The following ADGRB3 variants were observed in gnomAD, a reference collection of about 807,000 sequenced individuals.
ADGRB3 encodes adhesion G protein-coupled receptor B3.
In ADGRB3, 37 loss-of-function variants were observed where a neutral mutation model predicts 193.4. The ratio of observed to expected loss-of-function variants is 0.19; its 90% CI spans 0.15 to 0.25. ADGRB3 has a LOEUF of 0.25. ADGRB3 is among the 10% of genes least tolerant of loss of function. ADGRB3 has a pLI of 1.00. For missense variants in ADGRB3, 1,637 were observed against 1,852.9 expected (o/e 0.88, Z 2.14); for synonymous variants, 690 against 644.2 (o/e 1.07, Z -1.08).
intron 13 of ADGRB3, among the ~76,000 whole-genome samples, chr6:69,040,645 A>C (rs1386744100): frequency 3.1e-5 from 4 of 127,846 alleles, no homozygotes; most frequent in Non-Finnish European, 6.4e-5. Flanking sequence ...CACTACCCAG[A>C]GATGCCCAGG....
intron 3 of ADGRB3, among the ~76,000 whole-genome samples, chr6:68,877,789 C>T (rs937408978): frequency 6.6e-6 from 1 of 152,084 alleles, no homozygotes; most frequent in African/African-American, 2.4e-5. Context: ...AATAGTCCAT[C>T]TTAGTTGCTA....
At chr6:68,708,591 T>A (rs574182732) in intron 3 of ADGRB3, among the ~76,000 whole-genome samples, 18 of 152,324 alleles carry the variant, frequency 1.2e-4, no homozygotes, top group Non-Finnish European at 1.8e-4. Context: ...TTAGATTTTT[T>A]AAAAACAAAA....
In ADGRB3 at chr6:68,765,109, G is replaced by A. The variant is rs142748612; in HGVS notation, c.757+125677G>A. Among the ~76,000 whole-genome samples the A allele has an allele frequency of 1.2e-3, 179 of 152,214 alleles. 1 individual carries two copies. Among genetic ancestry groups the A allele is most frequent in the Non-Finnish European group, 2.0e-3 (134 of 67,990 alleles). Reference sequence around the variant, plus strand: ...GTTCATGTGAAGACCATAAATGTCTGTTTCCTGAATAATGTTTTAATTTTG... The same window carrying A: ...GTTCATGTGAAGACCATAAATGTCTATTTCCTGAATAATGTTTTAATTTTG... On this transcript the variant is annotated intron_variant, in intron 3 of 31. Coordinates refer to ENST00000370598, the MANE Select transcript of ADGRB3 (RefSeq NM_001704.3).
intron 3 of ADGRB3, among the ~76,000 whole-genome samples, chr6:68,803,863 T>C (rs1023213480): frequency 6.6e-6 from 1 of 152,222 alleles, no homozygotes; most frequent in African/African-American, 2.4e-5. Context: ...CCAAATCGAT[T>C]ATTTTTCTTT....
At chr6:69,122,701 G>T (rs889528507) in intron 17 of ADGRB3, among the ~76,000 whole-genome samples, 7 of 152,012 alleles carry the variant, frequency 4.6e-5, no homozygotes, top group Admixed American at 1.3e-4. Flanking sequence ...TTGCAAGAAA[G>T]GATATTCAAG....
chr6:69,171,602 C>T (rs1270298416), intron 17 of ADGRB3, among the ~76,000 whole-genome samples: 1 of 152,090 alleles, frequency 6.6e-6, no homozygotes, highest in Non-Finnish European at 1.5e-5. Context: ...TTGGAGGAGA[C>T]ATTTTCTGGG....
At chr6:68,943,490 C>T (rs1005959463) in intron 5 of ADGRB3, among the ~76,000 whole-genome samples, 1 of 152,016 alleles carries the variant, frequency 6.6e-6, no homozygotes, top group Admixed American at 6.6e-5. Flanking sequence ...ATTTAGTTTT[C>T]TATATTACTA....
At chr6:68,777,668 T>TAA (rs561834409) in intron 3 of ADGRB3, among the ~76,000 whole-genome samples, 1,881 of 77,956 alleles carry the variant, frequency 0.024, 58 homozygotes, top group Middle Eastern at 0.059. Context: ...CTCTGGGATC[T>TAA]AAAAAAAAAA....
At chr6:69,245,554 G>A (rs1204440138) in intron 20 of ADGRB3, among the ~76,000 whole-genome samples, 4 of 151,978 alleles carry the variant, frequency 2.6e-5, no homozygotes, top group Non-Finnish European at 5.9e-5. Context: ...ACTGACTTTT[G>A]TTATACCAGC....
chr6:68,816,753 A>C lies in ADGRB3; in HGVS notation c.758-113806A>C, dbSNP rs568157300. Among the ~76,000 whole-genome samples, 4 of 152,206 alleles carry C rather than the reference A, an allele frequency of 2.6e-5. No individual in the cohort carries two copies. The South Asian group carries it at 6.2e-4, about 24-fold the overall frequency. On this transcript the variant is annotated intron_variant, in intron 3 of 31. Transcript: ENST00000370598. Reference sequence around the variant, plus strand: ...GTTATAATTAATGAGAAAAAGAAAAAAAATAAGAAACAAGCAAATGAAAAC... The same window carrying C: ...GTTATAATTAATGAGAAAAAGAAAACAAATAAGAAACAAGCAAATGAAAAC...
rs562673666 is a variant in ADGRB3 at position 68,791,527 on chromosome 6, G to A, written c.758-139032G>A. 6.3e-4 allele frequency among the ~76,000 whole-genome samples: 96 copies of A among 152,064 alleles called. No individual in the cohort carries two copies. The South Asian group carries it at 7.3e-3, about 12-fold the overall frequency. ...ATTTCCTCCTGGGAAAAAAAAATTC[G>A]GTGCTGGTTATTGCAGAGACACTGC... On this transcript the variant is annotated intron_variant, in intron 3 of 31. Transcript: ENST00000370598.
At chr6:69,175,429 G>T (rs963984908) in intron 17 of ADGRB3, among the ~76,000 whole-genome samples, 1 of 152,100 alleles carries the variant, frequency 6.6e-6, no homozygotes, top group African/African-American at 2.4e-5. Context: ...TGTCAACTTT[G>T]TTGTAAATCA....
rs534225584 is a variant in ADGRB3, at chr6:68,685,133, G to A, written c.757+45701G>A. On this transcript the variant is annotated intron_variant, in intron 3 of 31. Transcript: ENST00000370598. ...GTTGTACCATACACAGACAGAGGTA[G>A]AGTTTCCAATCAACTTATTCATGTT... 3.0e-3 allele frequency among the ~76,000 whole-genome samples: 453 copies of A among 152,166 alleles called. 4 individuals carry two copies. Among genetic ancestry groups the A allele is most frequent in the African/African-American group, 0.011 (437 of 41,506 alleles).
chr6:69,168,852 G>T (rs767137250), intron 17 of ADGRB3, among the ~76,000 whole-genome samples: 1 of 151,940 alleles, frequency 6.6e-6, no homozygotes, highest in African/African-American at 2.4e-5. Flanking sequence ...ACAGTTCTAA[G>T]AATTGATGTA....
At chr6:68,902,280 A>T (rs1258221489) in intron 3 of ADGRB3, among the ~76,000 whole-genome samples, 1 of 152,148 alleles carries the variant, frequency 6.6e-6, no homozygotes, top group Non-Finnish European at 1.5e-5. Context: ...TTGTACTAAC[A>T]ATAGAGACGT....
At chr6:69,298,571 T>C (rs1318580500) in intron 20 of ADGRB3, among the ~76,000 whole-genome samples, 2 of 151,966 alleles carry the variant, frequency 1.3e-5, no homozygotes, top group Non-Finnish European at 2.9e-5. Context: ...GTAACCATCA[T>C]TCTAATGTGT....
At chr6:69,224,308 A>C (rs745611784) in intron 17 of ADGRB3, among the ~76,000 whole-genome samples, 37 of 152,178 alleles carry the variant, frequency 2.4e-4, no homozygotes, top group Non-Finnish European at 4.1e-4. Context: ...CTTTTTGTCC[A>C]GATCACTTGA....
chr6:68,975,794 A>G (rs761641439), intron 10 of ADGRB3, among the ~76,000 whole-genome samples: 70 of 152,342 alleles, frequency 4.6e-4, no homozygotes, highest in Middle Eastern at 6.8e-3. Flanking sequence ...ACATTAAAAT[A>G]AATGACAGTG....
intron 20 of ADGRB3, among the ~76,000 whole-genome samples, chr6:69,283,672 G>A (rs1194815710): frequency 6.6e-6 from 1 of 151,854 alleles, no homozygotes; most frequent in Non-Finnish European, 1.5e-5. Flanking sequence ...TAGCAGCTAT[G>A]ATTACAAAGA....
Sources: gnomAD v4.1 joint callset for allele counts (sites outside exome capture counted in the v4.1 genomes callset) on GRCh38, gnomAD v4.1.1 for gene constraint, MANE v1.5 for transcripts, NCBI Gene and HGNC (gene_info 2026-07-23, HGNC 2026-07-21) for gene names.